Variants in UPRT observed in about 807,000 individuals in gnomAD.
UPRT encodes uracil phosphoribosyltransferase homolog.
Under a neutral mutation model 22.6 loss-of-function variants are expected in UPRT, and 5 were observed. The observed-to-expected ratio is 0.22, with a 90% CI of 0.12 to 0.47. UPRT has a LOEUF of 0.47. Ranked by LOEUF, UPRT falls within the 20% of genes least tolerant of loss-of-function variation. The probability of loss-of-function intolerance (pLI) is 0.99; values close to 1 mark genes in which losing one functional copy is unlikely to be tolerated. For synonymous variants in UPRT, 77 were observed against 87.7 expected, an observed-to-expected ratio of 0.88 and a Z score of 0.68; for missense variants, 181 against 239.9, an observed-to-expected ratio of 0.75 and a Z score of 1.62.
chrX:75,281,577 C>A (rs2082657042), intron 1 of UPRT, among the ~76,000 whole-genome samples: 2 of 111,839 alleles, frequency 1.8e-5, no homozygotes, highest in Non-Finnish European at 3.8e-5. Flanking sequence ...TATTGACTTG[C>A]ATACATTAAA....
At position 75,285,825 on chromosome X, in the gene UPRT, C is replaced by CA. The variant is rs1248530017; in HGVS notation, c.387-7635dup. On this transcript the variant is annotated intron_variant, in intron 1 of 6. Transcript: ENST00000373383. ...TGTGGCCTTGATGCCTTGCACCTGG[C>CA]AAAAAAAAAAAATAGTAACATAATA... 4.9e-3 allele frequency among the ~76,000 whole-genome samples: 457 copies of CA among 93,982 alleles called. 1 individual carries two copies. The highest frequency in any genetic ancestry group is 0.014 in the African/African-American group (352 of 25,835). 81.6% of individuals were successfully genotyped at this position (93,982 alleles called of 115,157 possible). A position where few individuals can be genotyped will look rare whatever the true frequency, so the allele number is the denominator to read the frequency against.
At chrX:75,204,099 A>T (rs1286598368) in intron 4 of UPRT, among the ~76,000 whole-genome samples, 2 of 109,223 alleles carry the variant, frequency 1.8e-5, no homozygotes, top group African/African-American at 6.7e-5. Context: ...GGTTGCCTGG[A>T]CAAGGGAGTT....
At chrX:75,222,380 C>T (rs2082412641) in intron 4 of UPRT, among the ~76,000 whole-genome samples, 1 of 111,596 alleles carries the variant, frequency 9.0e-6, no homozygotes, top group Admixed American at 9.5e-5. Flanking sequence ...GCTCTCCAAT[C>T]AGCAGGTGAC....
At chrX:75,188,027 C>A (rs1177640283) in intron 4 of UPRT, among the ~76,000 whole-genome samples, 1 of 112,227 alleles carries the variant, frequency 8.9e-6, no homozygotes, top group Non-Finnish European at 1.9e-5. Flanking sequence ...TCAGCTCGTC[C>A]AAGTCATTCT....
intron 4 of UPRT, among the ~76,000 whole-genome samples, chrX:75,194,391 C>T (rs932924986): frequency 3.6e-5 from 4 of 111,122 alleles, no homozygotes; most frequent in African/African-American, 1.3e-4. Context: ...GTGATGTCAG[C>T]CAGAGTGCTT....
At chrX:75,271,338 A>G (rs2082607430), upstream of UPRT, among the ~76,000 whole-genome samples, 1 of 111,837 alleles carries the variant, frequency 8.9e-6, no homozygotes, top group Non-Finnish European at 1.9e-5. Context: ...AATCAGAAAT[A>G]AATCCAAATA....
intron 4 of UPRT, among the ~76,000 whole-genome samples, chrX:75,299,464 A>T (rs1228230827): frequency 2.7e-5 from 3 of 112,013 alleles, no homozygotes; most frequent in African/African-American, 9.7e-5. Flanking sequence ...TATTTCCTAT[A>T]ATCACGGAAG....
At chrX:75,190,163 G>A (rs937216782) in intron 4 of UPRT, among the ~76,000 whole-genome samples, 4 of 111,620 alleles carry the variant, frequency 3.6e-5, no homozygotes, top group African/African-American at 1.3e-4. Flanking sequence ...GCTCTTGTAG[G>A]GTGGGCCTGG....
intron 4 of UPRT, among the ~76,000 whole-genome samples, chrX:75,192,466 T>A: frequency 9.0e-6 from 1 of 111,647 alleles, no homozygotes; most frequent in Middle Eastern, 4.2e-3. Context: ...TTTGTACATG[T>A]CTATTAGGTC....
chrX:75,264,950 G>A (rs762554554), intron 4 of UPRT, among the ~76,000 whole-genome samples: 2 of 111,725 alleles, frequency 1.8e-5, no homozygotes, highest in East Asian at 5.6e-4. Context: ...AGCTTAGTTT[G>A]GCTGATATGA....
chrX:75,262,874 C>T (rs1432658217), intron 4 of UPRT, among the ~76,000 whole-genome samples: 1 of 111,547 alleles, frequency 9.0e-6, no homozygotes, highest in Non-Finnish European at 1.9e-5. Context: ...TAACATGCCA[C>T]TGTCAATATT....
chrX:75,172,391 C>T (rs1241781471), intron 4 of UPRT, among the ~76,000 whole-genome samples: 1 of 111,352 alleles, frequency 9.0e-6, no homozygotes, highest in Non-Finnish European at 1.9e-5. Context: ...CAGGCCTCAC[C>T]CAGCTCCCAC....
chrX:75,180,812 G>T (rs1431286189), intron 4 of UPRT, among the ~76,000 whole-genome samples: 1 of 99,629 alleles, frequency 1.0e-5, no homozygotes, highest in Non-Finnish European at 2.0e-5. Context: ...ACTATACGTT[G>T]TCTGCTTACT....
chrX:75,208,422 T>C (rs1474418284), intron 4 of UPRT, among the ~76,000 whole-genome samples: 1 of 111,791 alleles, frequency 8.9e-6, no homozygotes, highest in Non-Finnish European at 1.9e-5. Flanking sequence ...CAGTCCATAT[T>C]AGTTGGATGG....
intron 4 of UPRT, among the ~76,000 whole-genome samples, chrX:75,187,011 A>T (rs990877623): frequency 1.3e-4 from 14 of 111,433 alleles, no homozygotes; most frequent in Admixed American, 1.0e-3. Flanking sequence ...TGGAGCATTT[A>T]GTCCATTTAC....
At chrX:75,232,207 C>T (rs1381254596) in intron 4 of UPRT, among the ~76,000 whole-genome samples, 3 of 112,339 alleles carry the variant, frequency 2.7e-5, no homozygotes, top group African/African-American at 9.7e-5. Context: ...GGGTCACTCC[C>T]ACCCGAATAC....
chrX:75,300,511 G>A (rs748284603), intron 5 of UPRT, among the ~76,000 whole-genome samples: 9 of 112,019 alleles, frequency 8.0e-5, no homozygotes, highest in African/African-American at 2.9e-4. Context: ...TTGTGGCCGC[G>A]TGCTGTGGCT....
chrX:75,264,236 G>C (rs2082578852), intron 4 of UPRT, among the ~76,000 whole-genome samples: 1 of 111,606 alleles, frequency 9.0e-6, no homozygotes. Context: ...ATGTCTATTA[G>C]GTCCACTTGG....
At chrX:75,294,599 A>T in intron 2 of UPRT, 1 of 987,617 alleles carries the variant, frequency 1.0e-6, no homozygotes, top group Non-Finnish European at 1.3e-6. Context: ...GAGCATAGAC[A>T]ACTCCTGTTC....
Sources: allele counts gnomAD v4.1 joint callset (sites outside exome capture counted in the v4.1 genomes callset), GRCh38; gene constraint gnomAD v4.1.1; transcripts MANE v1.5; gene names NCBI Gene and HGNC (gene_info 2026-07-23, HGNC 2026-07-21).